Variants in IMMP1L observed in about 807,000 individuals in gnomAD.
IMMP1L encodes the protein inner mitochondrial membrane peptidase subunit 1.
Under a neutral mutation model 21.8 loss-of-function variants are expected in IMMP1L, and 24 were observed. That is an observed-to-expected ratio of 1.10 (90% CI 0.80 to 1.55). The LOEUF is 1.55. Among genes scored for constraint, IMMP1L ranks in the 40% most tolerant of loss-of-function variants. The probability of loss-of-function intolerance (pLI) is 0.00; values close to 1 mark genes in which losing one functional copy is unlikely to be tolerated. For synonymous variants in IMMP1L, 46 were observed against 62.8 expected, an observed-to-expected ratio of 0.73 and a Z score of 1.26; for missense variants, 195 against 200.7, an observed-to-expected ratio of 0.97 and a Z score of 0.17.
intron 1 of IMMP1L, among the ~76,000 whole-genome samples, chr11:31,473,206 C>A (rs891134388): frequency 3.3e-5 from 5 of 152,260 alleles, no homozygotes; most frequent in Non-Finnish European, 7.4e-5. Context: ...CCTGCCACCA[C>A]GCCCGGCTAA....
chr11:31,506,439 C>G (rs969394980), intron 1 of IMMP1L, among the ~76,000 whole-genome samples: 1 of 151,616 alleles, frequency 6.6e-6, no homozygotes, highest in African/African-American at 2.4e-5. Context: ...ACCATGTTAG[C>G]CAGGAAGGTC....
At chr11:31,492,999 T>C (rs1011146697) in intron 1 of IMMP1L, among the ~76,000 whole-genome samples, 2 of 152,152 alleles carry the variant, frequency 1.3e-5, no homozygotes, top group South Asian at 2.1e-4. Flanking sequence ...ATGGCACCAA[T>C]AGACTTGCTA....
At chr11:31,488,069 A>G (rs1488525092) in intron 1 of IMMP1L, 1 of 152,176 alleles carries the variant, frequency 6.6e-6, no homozygotes, top group East Asian at 1.9e-4. Flanking sequence ...TACAACAGTC[A>G]TAAGAGTTAA....
chr11:31,455,185 C>A (rs537469290), intron 4 of IMMP1L, among the ~76,000 whole-genome samples: 1 of 152,174 alleles, frequency 6.6e-6, no homozygotes, highest in Admixed American at 6.5e-5. Context: ...TATAGGGCAA[C>A]CAGAGGCTAT....
At chr11:31,445,930 G>C (rs1953502707) in intron 4 of IMMP1L, among the ~76,000 whole-genome samples, 2 of 152,112 alleles carry the variant, frequency 1.3e-5, no homozygotes, top group Non-Finnish European at 1.5e-5. Context: ...ACATCAAGGA[G>C]GGAATAGCAA....
intron 1 of IMMP1L, among the ~76,000 whole-genome samples, chr11:31,463,636 T>C (rs565433267): frequency 6.6e-6 from 1 of 152,266 alleles, no homozygotes; most frequent in East Asian, 1.9e-4. Context: ...AGTAACTCTT[T>C]CAAAGGACTA....
intron 1 of IMMP1L, among the ~76,000 whole-genome samples, chr11:31,487,445 T>G (rs548054970): frequency 6.6e-6 from 1 of 152,186 alleles, no homozygotes; most frequent in Admixed American, 6.5e-5. Flanking sequence ...AGCCCTAAGG[T>G]AGGAAGAAAC....
Position 31,432,541 on chromosome 11 carries a change from A to T in IMMP1L, c.460T>A (p.Leu154Ile), listed in dbSNP as rs1238412071. 4 of 1,613,142 alleles carry T rather than the reference A, an allele frequency of 2.5e-6. No homozygotes were observed. In the African/African-American group the frequency reaches 5.3e-5, roughly 22 times the overall value. The change falls in exon 6 of 6, where the codon TTA becomes ATA. Residue 154 changes from leucine (L) to isoleucine (I), a missense_variant. Physicochemically the swap from Leu to Ile is conservative, Grantham distance 5. Coordinates refer to ENST00000532287, the MANE Select transcript of IMMP1L (RefSeq NM_001304274.2). ...CTGTGGCCATTAGGGCTGGCACGTA[A>T]AAATCCAAAATCACTCAGAGGCCAA... ...KIWPLSDFGF[L>I]RASPNGHRFS...
At chr11:31,463,097 A>C in intron 2 of IMMP1L, 75 bp downstream of exon 2, 2 of 1,221,328 alleles carry the variant, frequency 1.6e-6, no homozygotes, top group Non-Finnish European at 2.3e-6. Context: ...GGTTTTCAAA[A>C]GGAAAAACAC....
chr11:31,505,324 T>C (rs1360172590), intron 1 of IMMP1L, among the ~76,000 whole-genome samples: 7 of 152,194 alleles, frequency 4.6e-5, no homozygotes, highest in Admixed American at 3.9e-4. Flanking sequence ...TTGTTTAAGA[T>C]AGGCACCTTG....
At chr11:31,454,635 T>TA (rs2133622772) in intron 4 of IMMP1L, among the ~76,000 whole-genome samples, 1 of 152,108 alleles carries the variant, frequency 6.6e-6, no homozygotes, top group Non-Finnish European at 1.5e-5. Context: ...ATGCATCAAT[T>TA]AAAAACAAAA....
At chr11:31,472,654 A>G (rs745696234) in intron 1 of IMMP1L, among the ~76,000 whole-genome samples, 2 of 152,190 alleles carry the variant, frequency 1.3e-5, no homozygotes, top group African/African-American at 2.4e-5. Flanking sequence ...TTTAAAGGGG[A>G]ACCTATATAT....
chr11:31,465,100 T>C (rs1472292844), intron 1 of IMMP1L, among the ~76,000 whole-genome samples: 2 of 152,144 alleles, frequency 1.3e-5, no homozygotes, highest in South Asian at 2.1e-4. Flanking sequence ...AGTTGCAGGA[T>C]ACAAAGTCAA....
intron 1 of IMMP1L, among the ~76,000 whole-genome samples, chr11:31,489,735 T>G (rs546133388): frequency 4.6e-5 from 7 of 152,274 alleles, no homozygotes; most frequent in African/African-American, 1.7e-4. Flanking sequence ...ATCTTCTCTC[T>G]TTATGACACT....
chr11:31,493,216 GTTTA>G (rs1486169246), intron 1 of IMMP1L, among the ~76,000 whole-genome samples: 3 of 152,162 alleles, frequency 2.0e-5, no homozygotes, highest in Non-Finnish European at 4.4e-5. Context: ...AAGAACAGAG[GTTTA>G]TTTGACTCAC....
chr11:31,491,309 T>A (rs1288681861), intron 1 of IMMP1L, among the ~76,000 whole-genome samples: 1 of 152,170 alleles, frequency 6.6e-6, no homozygotes, highest in Non-Finnish European at 1.5e-5. Flanking sequence ...GCTATCACCT[T>A]AAAGAATACA....
At position 31,485,342 on chromosome 11, in the gene IMMP1L, G is replaced by A. The variant is rs1169643045; in HGVS notation, c.-29-22037C>T. 2.6e-5 allele frequency among the ~76,000 whole-genome samples: 4 copies of A among 151,884 alleles called. No individual in the cohort carries two copies. In the East Asian group the frequency reaches 7.7e-4, roughly 29 times the overall value. ...ACTTCCTATTTGAAGTCATACTTAA[G>A]TAAATCACTTTCAATAATCCTACAA... On this transcript the variant is annotated intron_variant, in intron 1 of 5. Transcript: ENST00000532287.
intron 1 of IMMP1L, among the ~76,000 whole-genome samples, chr11:31,484,024 A>G (rs548598286): frequency 1.3e-5 from 2 of 152,006 alleles, no homozygotes; most frequent in East Asian, 3.9e-4. Context: ...AGTTTGTTTA[A>G]TTTGTATAAC....
At chr11:31,439,549 ATTTACT>A (rs764613397) in intron 4 of IMMP1L, among the ~76,000 whole-genome samples, 2 of 152,080 alleles carry the variant, frequency 1.3e-5, no homozygotes, top group Admixed American at 6.5e-5. Context: ...TATTTAACTG[ATTTACT>A]TTTGATTATG....
Sources: gnomAD v4.1 joint callset for allele counts (sites outside exome capture counted in the v4.1 genomes callset) on GRCh38, gnomAD v4.1.1 for gene constraint, MANE v1.5 for transcripts, NCBI Gene and HGNC (gene_info 2026-07-23, HGNC 2026-07-21) for gene names.